PTPN9: variants seen among roughly 807,000 people sequenced by gnomAD.
PTPN9 encodes the protein protein tyrosine phosphatase non-receptor type 9.
In PTPN9, 26 loss-of-function variants were observed where a neutral mutation model predicts 69.8. The ratio of observed to expected loss-of-function variants is 0.37; its 90% CI spans 0.27 to 0.52. The LOEUF (loss-of-function observed/expected upper bound fraction) is 0.52. PTPN9 is among the 20% of genes least tolerant of loss of function. The pLI is 0.91. For missense variants in PTPN9, 549 were observed against 740.3 expected (o/e 0.74, Z 3.00); for synonymous variants, 274 against 272.5 (o/e 1.01, Z -0.05).
In PTPN9 at chr15:75,530,492, ATATAT is replaced by A. The variant is rs1424157085; in HGVS notation, c.64-3236_64-3232del. On this transcript the variant is annotated intron_variant, in intron 1 of 12. Transcript: ENST00000618819. ...TATAATAATAAAAATATATATTATAATATATTATATTATAATATATTATAATATAA... is the reference window on the plus strand; with the variant it reads ...TATAATAATAAAAATATATATTATAATATATTATAATATATTATAATATAA... 3.2e-4 allele frequency among the ~76,000 whole-genome samples: 29 copies of A among 91,236 alleles called. No homozygotes were observed. The South Asian group carries it at 6.7e-3, about 21-fold the overall frequency. 59.9% of individuals were successfully genotyped at this position (91,236 alleles called of 152,430 possible).
At chr15:75,558,713 T>G (rs547049150) in intron 1 of PTPN9, among the ~76,000 whole-genome samples, 126 of 152,300 alleles carry the variant, frequency 8.3e-4, no homozygotes, top group Middle Eastern at 3.4e-3. Flanking sequence ...ATTTTTTTGG[T>G]GGAGACGGGG....
chr15:75,478,569 CCATGGTTCT>C (rs2074610244), intron 9 of PTPN9, among the ~76,000 whole-genome samples: 1 of 152,208 alleles, frequency 6.6e-6, no homozygotes, highest in African/African-American at 2.4e-5. Flanking sequence ...CTGTGCCTGG[CCATGGTTCT>C]CTTTAGTCTC....
intron 5 of PTPN9, among the ~76,000 whole-genome samples, chr15:75,512,090 C>T (rs1197639609): frequency 6.6e-6 from 1 of 152,166 alleles, no homozygotes; most frequent in East Asian, 1.9e-4. Flanking sequence ...AGTGATCCGC[C>T]CATCTTGGCC....
intron 1 of PTPN9, among the ~76,000 whole-genome samples, chr15:75,541,949 A>G (rs890341338): frequency 6.6e-6 from 1 of 151,752 alleles, no homozygotes; most frequent in Non-Finnish European, 1.5e-5. Context: ...AGGCAGAAGA[A>G]TCGCCTGAAC....
At chr15:75,475,474 G>A (rs553700049) in intron 9 of PTPN9, among the ~76,000 whole-genome samples, 1 of 152,090 alleles carries the variant, frequency 6.6e-6, no homozygotes, top group East Asian at 1.9e-4. Context: ...AGCTACTCGG[G>A]AGCCTGAGTT....
chr15:75,486,134 C>T (rs1417071240), intron 8 of PTPN9, among the ~76,000 whole-genome samples: 1 of 151,660 alleles, frequency 6.6e-6, no homozygotes, highest in East Asian at 1.9e-4. Flanking sequence ...GAAAATGACC[C>T]AGAGATAAAG....
intron 4 of PTPN9, among the ~76,000 whole-genome samples, chr15:75,520,362 C>G (rs2074896381): frequency 6.6e-6 from 1 of 151,704 alleles, no homozygotes; most frequent in Non-Finnish European, 1.5e-5. Context: ...GTTCTATATT[C>G]CCAGATCAAA....
At chr15:75,513,312 A>G (rs1478364238) in intron 5 of PTPN9, 3 of 456,096 alleles carry the variant, frequency 6.6e-6, no homozygotes, top group Non-Finnish European at 1.3e-5. Context: ...TGCATCTTTG[A>G]AGGAAAAGAT....
chr15:75,572,125 A>G (rs2075150966), intron 1 of PTPN9, among the ~76,000 whole-genome samples: 1 of 152,090 alleles, frequency 6.6e-6, no homozygotes, highest in African/African-American at 2.4e-5. Flanking sequence ...TAAGGTCAAG[A>G]GTTCAAGACC....
chr15:75,513,119 G>T, intron 5 of PTPN9: 1 of 381,444 alleles, frequency 2.6e-6, no homozygotes, highest in Non-Finnish European at 5.1e-6. Context: ...ACTGCAGCAG[G>T]TACCCCCAGA....
chr15:75,495,042 T>A (rs1029708847), intron 7 of PTPN9, among the ~76,000 whole-genome samples: 1 of 151,788 alleles, frequency 6.6e-6, no homozygotes, highest in African/African-American at 2.4e-5. Flanking sequence ...AAATAAATAA[T>A]AAATAGATTG....
At chr15:75,570,176 T>C (rs1375081068) in intron 1 of PTPN9, 1 of 152,214 alleles carries the variant, frequency 6.6e-6, no homozygotes, top group African/African-American at 2.4e-5. Flanking sequence ...ACCTAATTGT[T>C]ACTTACAGTA....
rs35248279 is a variant in PTPN9 at position 75,500,344 on chromosome 15, T to TACACAC, written c.968+5325_968+5330dup. Among the ~76,000 whole-genome samples the TACACAC allele has an allele frequency of 9.2e-3, 1,311 of 142,528 alleles. 17 individuals are homozygous for TACACAC. Among genetic ancestry groups the TACACAC allele is most frequent in the African/African-American group, 0.03 (1,155 of 38,358 alleles). The allele number at this position is 142,528 out of a possible 152,430, so 93.5% of individuals were successfully genotyped here. A position where few individuals can be genotyped will look rare whatever the true frequency, so the allele number is the denominator to read the frequency against. ...AAATAAATAAATAAACAAACATACA[T>TACACAC]ACACACACACACACACACACACACA... is the stretch of plus-strand genomic sequence containing the variant. On this transcript the variant is annotated intron_variant, in intron 7 of 12. Coordinates refer to ENST00000618819, the MANE Select transcript of PTPN9 (RefSeq NM_002833.4).
chr15:75,564,266 A>T (rs545812283), intron 1 of PTPN9, among the ~76,000 whole-genome samples: 56 of 152,170 alleles, frequency 3.7e-4, no homozygotes, highest in Admixed American at 3.1e-3. Flanking sequence ...CAATAATTTT[A>T]AAAAAGAGAA....
At chr15:75,558,550 C>T (rs180731919) in intron 1 of PTPN9, among the ~76,000 whole-genome samples, 115 of 152,204 alleles carry the variant, frequency 7.6e-4, no homozygotes, top group Admixed American at 2.2e-3. Context: ...CCCGATCCCT[C>T]TCTTGCCACG....
chr15:75,553,326 G>T (rs1214090934), intron 1 of PTPN9, among the ~76,000 whole-genome samples: 1 of 152,140 alleles, frequency 6.6e-6, no homozygotes, highest in Non-Finnish European at 1.5e-5. Context: ...AAAAATTATT[G>T]TGAATTTGGA....
intron 1 of PTPN9, among the ~76,000 whole-genome samples, chr15:75,557,741 T>C (rs1021703335): frequency 1.3e-5 from 2 of 152,204 alleles, no homozygotes; most frequent in African/African-American, 4.8e-5. Context: ...CCAATACTTG[T>C]AGCACTGTAA....
intron 1 of PTPN9, among the ~76,000 whole-genome samples, chr15:75,530,199 CAAA>C (rs1171614508): frequency 7.1e-5 from 2 of 28,266 alleles, no homozygotes; most frequent in Non-Finnish European, 1.4e-4. Context: ...GACTCCATCT[CAAA>C]AAAAAAAAAA....
chr15:75,515,911 A>G (rs2141316497), intron 5 of PTPN9, among the ~76,000 whole-genome samples: 1 of 152,304 alleles, frequency 6.6e-6, no homozygotes, highest in South Asian at 2.1e-4. Context: ...AAACATAAAA[A>G]TAAAATAAAA....
Sources: allele counts gnomAD v4.1 joint callset (sites outside exome capture counted in the v4.1 genomes callset), GRCh38; gene constraint gnomAD v4.1.1; transcripts MANE v1.5; gene names NCBI Gene and HGNC (gene_info 2026-07-23, HGNC 2026-07-21).